The following CACHD1 variants were observed in gnomAD, a reference collection of about 807,000 sequenced individuals.
CACHD1 encodes cache domain containing 1.
Under a neutral mutation model 138.7 loss-of-function variants are expected in CACHD1, and 71 were observed. That is an observed-to-expected ratio of 0.51 (90% CI 0.42 to 0.62). CACHD1 has a LOEUF of 0.62. Ranked by LOEUF, CACHD1 falls within the 20% of genes least tolerant of loss-of-function variation. The pLI is 0.00. For synonymous variants in CACHD1, 578 were observed against 591.5 expected, an observed-to-expected ratio of 0.98 and a Z score of 0.33; for missense variants, 1,389 against 1,625.3, an observed-to-expected ratio of 0.85 and a Z score of 2.50.
rs1649972298 is a variant in CACHD1 at position 64,675,975 on chromosome 1, A to G, written c.2967A>G (p.Ala989=). 2.3e-6 allele frequency: 3 copies of G among 1,283,354 alleles called. No homozygotes were observed. The highest frequency in any genetic ancestry group is 4.5e-5 in the South Asian group (2 of 44,318). 79.5% of individuals were successfully genotyped at this position (1,283,354 alleles called of 1,614,324 possible). A position where few individuals can be genotyped will look rare whatever the true frequency, so the allele number is the denominator to read the frequency against. ...AGTGCACTGGCAACCTCACCAATGCAGAGAACCGGTAAAATAATTAATAAT... is the reference window on the plus strand; with the variant it reads ...AGTGCACTGGCAACCTCACCAATGCGGAGAACCGGTAAAATAATTAATAAT... ...VNECTGNLTN[A]ENRNPSCEVH... Residue 989 remains alanine, a synonymous_variant, in exon 21 of 27, where the codon GCA becomes GCG. Transcript: ENST00000651257.
chr1:64,690,784 G>C (rs1650523090), intron 26 of CACHD1, among the ~76,000 whole-genome samples: 1 of 152,244 alleles, frequency 6.6e-6, no homozygotes, highest in African/African-American at 2.4e-5. Context: ...GCAGGTGATG[G>C]TGATGGTTCT....
At chr1:64,681,464 A>T in intron 25 of CACHD1, 129 bp downstream of exon 25, 5 of 471,062 alleles carry the variant, frequency 1.1e-5, no homozygotes, top group Non-Finnish European at 1.1e-5. Context: ...GGGTTTTTTT[A>T]GTTGTTTTTT....
chr1:64,638,056 T>C (rs560624876), intron 7 of CACHD1, among the ~76,000 whole-genome samples: 1 of 152,314 alleles, frequency 6.6e-6, no homozygotes, highest in South Asian at 2.1e-4. Context: ...CTGTGATTAT[T>C]ATGATATTCA....
chr1:64,596,112 G>A (rs190213575), intron 3 of CACHD1, among the ~76,000 whole-genome samples: 6 of 152,296 alleles, frequency 3.9e-5, no homozygotes, highest in South Asian at 2.1e-4. Flanking sequence ...TCAGTCGAGG[G>A]GGGGGTTGAG....
At chr1:64,565,797 A>G (rs1646876634) in intron 2 of CACHD1, among the ~76,000 whole-genome samples, 1 of 152,212 alleles carries the variant, frequency 6.6e-6, no homozygotes, top group Admixed American at 6.5e-5. Flanking sequence ...TATTTTCCAT[A>G]GGAGTAAACT....
At chr1:64,576,899 G>GT (rs1646972371) in intron 2 of CACHD1, among the ~76,000 whole-genome samples, 2 of 129,296 alleles carry the variant, frequency 1.5e-5, no homozygotes, top group Non-Finnish European at 3.3e-5. Context: ...TGGTGGGTTT[G>GT]TTTGTTTGTT....
intron 3 of CACHD1, among the ~76,000 whole-genome samples, chr1:64,602,233 AT>A (rs961163043): frequency 6.6e-5 from 10 of 151,998 alleles, no homozygotes; most frequent in South Asian, 2.1e-4. Flanking sequence ...ATTATTTTTA[AT>A]TTTTTTTATG....
chr1:64,672,206 G>A (rs914250190), intron 17 of CACHD1, among the ~76,000 whole-genome samples: 8 of 152,154 alleles, frequency 5.3e-5, no homozygotes, highest in African/African-American at 9.7e-5. Flanking sequence ...TTTAAAAATA[G>A]CTTTCTTAGT....
At chr1:64,642,202 G>A (rs1435141916) in intron 8 of CACHD1, among the ~76,000 whole-genome samples, 2 of 152,140 alleles carry the variant, frequency 1.3e-5, no homozygotes, top group African/African-American at 4.8e-5. Flanking sequence ...CTCCACTTAC[G>A]TGGTCTTGCA....
chr1:64,562,774 T>G (rs1396095055), intron 2 of CACHD1, among the ~76,000 whole-genome samples: 1 of 152,146 alleles, frequency 6.6e-6, no homozygotes, highest in African/African-American at 2.4e-5. Context: ...CTCATTTTAT[T>G]CAAGCGTATT....
At chr1:64,659,908 C>T (rs1197505753) in intron 13 of CACHD1, among the ~76,000 whole-genome samples, 1 of 152,156 alleles carries the variant, frequency 6.6e-6, no homozygotes, top group Non-Finnish European at 1.5e-5. Flanking sequence ...GTTTGTGTTC[C>T]TCTCTTAAAT....
rs1413607068 is a variant in CACHD1, at chr1:64,470,502, G to A, written c.-243G>A. ...GCCCGTGTGGGCGCCGGGCTCCGGG[G>A]ACCGCTCGGGCGGCCGCCTCCTACC... On this transcript the variant is annotated 5_prime_UTR_variant, in exon 1 of 27. Transcript: ENST00000651257. This position sits in a 1 kb window ranked among gnomAD's most constrained non-coding sequence, Gnocchi z 5.2. Among the ~76,000 whole-genome samples the A allele has an allele frequency of 6.6e-6, 1 of 151,092 alleles. No homozygotes were observed. Among genetic ancestry groups the A allele is most frequent in the East Asian group, 2.0e-4 (1 of 5,078 alleles).
intron 4 of CACHD1, among the ~76,000 whole-genome samples, chr1:64,618,032 A>G (rs775440268): frequency 2.6e-5 from 4 of 151,654 alleles, no homozygotes; most frequent in Non-Finnish European, 4.4e-5. Flanking sequence ...GTGAGTCAAG[A>G]TCATGCCATT....
Position 64,582,267 on chromosome 1 carries a change from A to G in CACHD1, c.373A>G (p.Ile125Val), listed in dbSNP as rs746717341. 4 of 1,613,976 alleles carry G rather than the reference A, an allele frequency of 2.5e-6. No individual in the cohort carries two copies. Among genetic ancestry groups the G allele is most frequent in the South Asian group, 1.1e-5 (1 of 91,066 alleles). ...TAHLTSPLTA[I>V]QDCCTIPPSM... ...TCACCTAACCTCTCCCCTAACTGCA[A>G]TTCAAGACTGCTGTACTATCCCACC... Residue 125 changes from isoleucine to valine, a missense_variant, in exon 3 of 27, where the codon ATT (isoleucine) becomes GTT (valine). This residue lies in a region of CACHD1 where 1,000 missense variants were observed against 1,114.7 expected (regional missense o/e 0.90). Coordinates refer to ENST00000651257, the MANE Select transcript of CACHD1 (RefSeq NM_020925.4).
At chr1:64,581,057 C>T (rs967789088) in intron 2 of CACHD1, among the ~76,000 whole-genome samples, 5 of 152,048 alleles carry the variant, frequency 3.3e-5, no homozygotes, top group Admixed American at 6.6e-5. Flanking sequence ...ATACTCATAT[C>T]CCTTTGTTAT....
intron 1 of CACHD1, among the ~76,000 whole-genome samples, chr1:64,487,410 T>TG (rs1156406978): frequency 9.2e-5 from 14 of 152,106 alleles, no homozygotes; most frequent in African/African-American, 3.4e-4. Context: ...TGGGATTACA[T>TG]TAGTTTATGC....
intron 3 of CACHD1, among the ~76,000 whole-genome samples, chr1:64,596,872 A>C (rs1170892051): frequency 6.6e-6 from 1 of 152,318 alleles, no homozygotes; most frequent in East Asian, 1.9e-4. Flanking sequence ...ATTACCTTAA[A>C]AATTCATCCA....
chr1:64,485,352 T>G (rs1351806954), intron 1 of CACHD1, among the ~76,000 whole-genome samples: 1 of 152,230 alleles, frequency 6.6e-6, no homozygotes, highest in Non-Finnish European at 1.5e-5. Flanking sequence ...CATCGATATA[T>G]TCTCCATATC....
At chr1:64,552,430 T>A (rs1210600625) in intron 2 of CACHD1, among the ~76,000 whole-genome samples, 1 of 151,898 alleles carries the variant, frequency 6.6e-6, no homozygotes, top group Non-Finnish European at 1.5e-5. Context: ...TTGAAATAAA[T>A]ATGACAGAAA....
Sources: allele counts gnomAD v4.1 joint callset (sites outside exome capture counted in the v4.1 genomes callset), GRCh38; gene constraint gnomAD v4.1.1; regional missense constraint gnomAD v4.1.1; non-coding constraint Gnocchi (gnomAD v3.1); transcripts MANE v1.5; gene names NCBI Gene and HGNC (gene_info 2026-07-23, HGNC 2026-07-21).